GAB2: variants seen among roughly 807,000 people sequenced by gnomAD.
The protein encoded by GAB2 is GRB2 associated binding protein 2, also known as GRB2-associated-binding protein 2.
A neutral mutation model predicts 65.5 loss-of-function variants in GAB2; 26 were observed. The ratio of observed to expected loss-of-function variants is 0.40; its 90% CI spans 0.29 to 0.55. GAB2 has a LOEUF of 0.55. GAB2 is among the 20% of genes least tolerant of loss of function. The pLI, the probability that GAB2 is intolerant of heterozygous loss-of-function variation, is 0.53. For synonymous variants in GAB2, 321 were observed against 329.6 expected, an observed-to-expected ratio of 0.97 and a Z score of 0.28; for missense variants, 884 against 875.8, an observed-to-expected ratio of 1.01 and a Z score of -0.12.
chr11:78,383,963 G>C (rs1350155676), intron 1 of GAB2, among the ~76,000 whole-genome samples: 2 of 152,172 alleles, frequency 1.3e-5, no homozygotes, highest in Non-Finnish European at 2.9e-5. Context: ...TGGTGCAGGA[G>C]CAGAGAGCTT....
intron 1 of GAB2, among the ~76,000 whole-genome samples, chr11:78,309,458 CCCTG>C (rs1194080620): frequency 7.8e-6 from 1 of 128,236 alleles, no homozygotes; most frequent in East Asian, 2.3e-4. Flanking sequence ...AAACCCTGCC[CCCTG>C]CCTTTTTTTT....
At chr11:78,354,698 A>G (rs1436930091) in intron 1 of GAB2, among the ~76,000 whole-genome samples, 1 of 152,216 alleles carries the variant, frequency 6.6e-6, no homozygotes. Flanking sequence ...AAAAGCAACA[A>G]TAAATACCAA....
intron 1 of GAB2, 138 bp from the exon 2 acceptor site, chr11:78,281,039 G>C (rs1403421946): frequency 1.5e-6 from 1 of 683,698 alleles, no homozygotes; most frequent in Non-Finnish European, 2.5e-6. Flanking sequence ...CTGCAATCTT[G>C]AACTCCTGGG....
chr11:78,383,698 C>T (rs1029575503), intron 1 of GAB2, among the ~76,000 whole-genome samples: 2 of 151,896 alleles, frequency 1.3e-5, no homozygotes, highest in Non-Finnish European at 2.9e-5. Context: ...GCAGAGGTTG[C>T]AGTAAGCTGA....
Position 78,346,050 on chromosome 11 carries a change from C to T in GAB2, c.76-65149G>A, listed in dbSNP as rs534764636. On this transcript the variant is annotated intron_variant, in intron 1 of 9. Coordinates refer to ENST00000361507, the MANE Select transcript of GAB2 (RefSeq NM_080491.3). Reference sequence around the variant, plus strand: ...TGTTGCCCATGAGATAAATTTCTCACTAGCAAATAATTGCATCACAGAGAA... The same window carrying T: ...TGTTGCCCATGAGATAAATTTCTCATTAGCAAATAATTGCATCACAGAGAA... 2.4e-4 allele frequency among the ~76,000 whole-genome samples: 36 copies of T among 152,302 alleles called. 1 individual carries two copies. In the South Asian group the frequency reaches 7.5e-3, roughly 32 times the overall value.
intron 1 of GAB2, among the ~76,000 whole-genome samples, chr11:78,357,358 G>T (rs1413775989): frequency 1.3e-5 from 2 of 152,132 alleles, no homozygotes; most frequent in Non-Finnish European, 2.9e-5. Context: ...CACTAGAAAA[G>T]AAGTAATGTC....
intron 1 of GAB2, among the ~76,000 whole-genome samples, chr11:78,397,416 G>A (rs914016023): frequency 1.3e-5 from 2 of 152,224 alleles, no homozygotes; most frequent in African/African-American, 4.8e-5. Context: ...GAAGCACAGC[G>A]TAAACCAACA....
At chr11:78,311,513 G>A (rs992581516) in intron 1 of GAB2, among the ~76,000 whole-genome samples, 1 of 152,012 alleles carries the variant, frequency 6.6e-6, no homozygotes. Flanking sequence ...AAAGGATAGA[G>A]CATTTGAACT....
At chr11:78,401,115 A>T (rs1434040290) in intron 1 of GAB2, among the ~76,000 whole-genome samples, 12 of 113,494 alleles carry the variant, frequency 1.1e-4, no homozygotes, top group Middle Eastern at 7.8e-3. Context: ...AGTGAGGTTT[A>T]AAAAAAAAAA....
intron 1 of GAB2, among the ~76,000 whole-genome samples, chr11:78,328,282 CA>C (rs1855859112): frequency 6.6e-6 from 1 of 152,204 alleles, no homozygotes; most frequent in African/African-American, 2.4e-5. Context: ...ATTGCATTTG[CA>C]GTCTTCCCAA....
chr11:78,343,394 G>A (rs889721211), intron 1 of GAB2, among the ~76,000 whole-genome samples: 6 of 148,860 alleles, frequency 4.0e-5, no homozygotes, highest in Admixed American at 6.7e-5. Context: ...GAGGGAGAGA[G>A]GGAGGGAGGG....
At chr11:78,245,950 C>CTT (rs59178035) in intron 3 of GAB2, among the ~76,000 whole-genome samples, 22 of 145,212 alleles carry the variant, frequency 1.5e-4, no homozygotes, top group East Asian at 1.0e-3. Context: ...TTCTTTTTTT[C>CTT]TTTTTTTTTT....
chr11:78,311,986 A>G (rs1855508834), intron 1 of GAB2, among the ~76,000 whole-genome samples: 1 of 152,144 alleles, frequency 6.6e-6, no homozygotes, highest in Non-Finnish European at 1.5e-5. Context: ...GGCTGTAGTG[A>G]TAGACATCAG....
At chr11:78,301,563 C>G (rs1345787870) in intron 1 of GAB2, among the ~76,000 whole-genome samples, 1 of 152,260 alleles carries the variant, frequency 6.6e-6, no homozygotes, top group East Asian at 1.9e-4. Context: ...GAACTCCTGA[C>G]TTCAGGTGAT....
intron 1 of GAB2, among the ~76,000 whole-genome samples, chr11:78,417,211 G>A (rs1210800526): frequency 6.6e-6 from 1 of 152,066 alleles, no homozygotes; most frequent in African/African-American, 2.4e-5. Context: ...CTCGCCCTTT[G>A]TGGGGCCGTC....
At chr11:78,378,955 A>T (rs1265994321) in intron 1 of GAB2, among the ~76,000 whole-genome samples, 1 of 152,224 alleles carries the variant, frequency 6.6e-6, no homozygotes, top group Admixed American at 6.5e-5. Context: ...CCAAACCTGA[A>T]GCTTAGGATA....
chr11:78,411,670 T>A (rs777887205), intron 1 of GAB2, among the ~76,000 whole-genome samples: 2 of 151,704 alleles, frequency 1.3e-5, no homozygotes, highest in Admixed American at 6.6e-5. Flanking sequence ...ACATCTTACA[T>A]GAAAATTAAC....
chr11:78,267,277 G>A (rs1865896080), intron 2 of GAB2, among the ~76,000 whole-genome samples: 1 of 152,146 alleles, frequency 6.6e-6, no homozygotes, highest in African/African-American at 2.4e-5. Context: ...TGGGATGCAG[G>A]GGGCCTGGAC....
chr11:78,327,514 G>A (rs1855844735), intron 1 of GAB2, among the ~76,000 whole-genome samples: 1 of 152,138 alleles, frequency 6.6e-6, no homozygotes, highest in Non-Finnish European at 1.5e-5. Context: ...TAATGGAGAA[G>A]GCATCATTAA....
Sources: allele counts gnomAD v4.1 joint callset (sites outside exome capture counted in the v4.1 genomes callset), GRCh38; gene constraint gnomAD v4.1.1; transcripts MANE v1.5; gene names NCBI Gene and HGNC (gene_info 2026-07-23, HGNC 2026-07-21).